THSD7B: variants seen among roughly 807,000 people sequenced by gnomAD.
THSD7B encodes the protein thrombospondin type 1 domain containing 7B, also known as thrombospondin type-1 domain-containing protein 7B.
Under a neutral mutation model 213.6 loss-of-function variants are expected in THSD7B, and 138 were observed. The ratio of observed to expected loss-of-function variants is 0.65; its 90% CI spans 0.56 to 0.74. THSD7B has a LOEUF of 0.74. Among genes scored for constraint, THSD7B ranks in the 30% least tolerant of loss-of-function variants. The pLI is 0.00. For missense variants in THSD7B, 1,931 were observed against 1,991.5 expected (o/e 0.97, Z 0.58); for synonymous variants, 742 against 687.0 (o/e 1.08, Z -1.25).
intron 11 of THSD7B, among the ~76,000 whole-genome samples, chr2:137,275,242 C>G (rs1002149959): frequency 6.6e-6 from 1 of 152,048 alleles, no homozygotes; most frequent in South Asian, 2.1e-4. Context: ...ATTTTATCAA[C>G]AGCAGGTCCA....
intron 12 of THSD7B, among the ~76,000 whole-genome samples, chr2:137,372,514 A>G (rs910608004): frequency 1.3e-5 from 2 of 151,532 alleles, no homozygotes; most frequent in Non-Finnish European, 2.9e-5. Flanking sequence ...ATCAATACAT[A>G]TAAGGTATAC....
At chr2:136,963,685 C>T (rs1289808889) in intron 2 of THSD7B, among the ~76,000 whole-genome samples, 1 of 152,044 alleles carries the variant, frequency 6.6e-6, no homozygotes, top group African/African-American at 2.4e-5. Context: ...TTATGCCAAC[C>T]CTGTGTCACA....
chr2:136,833,698 A>G (rs561167141), intron 1 of THSD7B, among the ~76,000 whole-genome samples: 13 of 152,296 alleles, frequency 8.5e-5, no homozygotes, highest in African/African-American at 2.9e-4. Context: ...TCACTCAGGC[A>G]AAGTGCAAAA....
chr2:137,133,900 T>G (rs1180198367), intron 5 of THSD7B, among the ~76,000 whole-genome samples: 2 of 152,204 alleles, frequency 1.3e-5, no homozygotes, highest in African/African-American at 4.8e-5. Flanking sequence ...TCAGCCACAT[T>G]TCAAGTGCTC....
chr2:137,531,355 G>A (rs957044957), intron 15 of THSD7B, among the ~76,000 whole-genome samples: 10 of 151,848 alleles, frequency 6.6e-5, no homozygotes, highest in Non-Finnish European at 8.8e-5. Flanking sequence ...TTGACACATC[G>A]TTTTGTTGAG....
chr2:137,311,630 T>G (rs1683909450), intron 12 of THSD7B, among the ~76,000 whole-genome samples: 3 of 152,132 alleles, frequency 2.0e-5, no homozygotes, highest in Admixed American at 2.0e-4. Flanking sequence ...CACTATGATG[T>G]TGGCTGTGGG....
intron 5 of THSD7B, among the ~76,000 whole-genome samples, chr2:137,128,139 A>G (rs1218107982): frequency 6.6e-6 from 1 of 152,148 alleles, no homozygotes; most frequent in Admixed American, 6.5e-5. Context: ...CCAAAATTCT[A>G]TACCTGTAAT....
At chr2:137,652,016 T>G (rs956654979) in intron 21 of THSD7B, among the ~76,000 whole-genome samples, 9 of 152,120 alleles carry the variant, frequency 5.9e-5, no homozygotes, top group Non-Finnish European at 1.3e-4. Flanking sequence ...ATGAAAAGAA[T>G]GTATATTCTA....
At chr2:137,348,549 T>C (rs1684931051) in intron 12 of THSD7B, among the ~76,000 whole-genome samples, 1 of 151,626 alleles carries the variant, frequency 6.6e-6, no homozygotes, top group South Asian at 2.1e-4. Context: ...AATGAGTAAT[T>C]CAAGCTTTGT....
In THSD7B at chr2:137,233,082, C is replaced by T. The variant is rs770111730; in HGVS notation, c.2099C>T (p.Thr700Ile). The T allele has an allele frequency of 1.9e-6, 3 of 1,613,732 alleles. No homozygotes were observed. Among genetic ancestry groups the T allele is most frequent in the South Asian group, 2.2e-5 (2 of 91,078 alleles). ...GEATCGVGIQ[T>I]RRVFCVKSHV... The stretch of plus-strand genomic sequence containing the variant: ...GCCACGTGTGGTGTAGGCATTCAGA[C>T]TCGGAGAGTCTTCTGTGTCAAGAGT... Residue 700 changes from threonine to isoleucine, a missense_variant, in exon 9 of 28, where the codon ACT (threonine) becomes ATT (isoleucine). Thr to Ile is a moderately conservative substitution (Grantham distance 89). Transcript: ENST00000409968.
At chr2:136,768,659 TG>T (rs1681452206) in intron 1 of THSD7B, among the ~76,000 whole-genome samples, 1 of 152,236 alleles carries the variant, frequency 6.6e-6, no homozygotes, top group African/African-American at 2.4e-5. Flanking sequence ...GCTTCAGAGA[TG>T]CTCTACAGAC....
intron 2 of THSD7B, among the ~76,000 whole-genome samples, chr2:137,007,860 C>T (rs927796287): frequency 3.3e-5 from 5 of 152,046 alleles, no homozygotes; most frequent in Admixed American, 2.0e-4. Context: ...ACTTTAATTC[C>T]AGGTCAATTG....
intron 2 of THSD7B, among the ~76,000 whole-genome samples, chr2:136,894,826 T>G (rs1363993238): frequency 6.6e-6 from 1 of 152,224 alleles, no homozygotes; most frequent in Non-Finnish European, 1.5e-5. Flanking sequence ...TTTTATGTTA[T>G]TGCATGTCTC....
intron 12 of THSD7B, among the ~76,000 whole-genome samples, chr2:137,347,555 ATTTT>A (rs5834547): frequency 3.7e-4 from 50 of 135,362 alleles, no homozygotes; most frequent in African/African-American, 1.3e-3. Flanking sequence ...ACTGATATTG[ATTTT>A]TTTTTTTTTT....
At position 137,485,623 on chromosome 2, in the gene THSD7B, G is replaced by A. The variant is rs372600691; in HGVS notation, c.3138+34600G>A. 4.1e-3 allele frequency among the ~76,000 whole-genome samples: 621 copies of A among 152,178 alleles called. 17 individuals carry two copies. Among genetic ancestry groups the A allele is most frequent in the Admixed American group, 0.033 (507 of 15,268 alleles). ...CCCCAATCTAGCAAGGCAGGGCAAC[G>A]TTCAGATTCAGGAAATACAGAGAAT... is the stretch of plus-strand genomic sequence containing the variant. On this transcript the variant is annotated intron_variant, in intron 15 of 27. Coordinates refer to ENST00000409968, the MANE Select transcript of THSD7B (RefSeq NM_001316349.2).
chr2:137,188,255 G>A (rs1356859056), intron 7 of THSD7B, among the ~76,000 whole-genome samples: 1 of 152,132 alleles, frequency 6.6e-6, no homozygotes, highest in East Asian at 1.9e-4. Context: ...CAATCACCTT[G>A]CAGCCTGCCA....
At chr2:136,986,661 T>A (rs1685679115) in intron 2 of THSD7B, among the ~76,000 whole-genome samples, 1 of 152,236 alleles carries the variant, frequency 6.6e-6, no homozygotes, top group Non-Finnish European at 1.5e-5. Flanking sequence ...TCTCCTGCAT[T>A]TTTTAAGGAA....
chr2:137,616,417 A>G, intron 18 of THSD7B, 101 bp downstream of exon 18: 1 of 1,070,480 alleles, frequency 9.3e-7, no homozygotes, highest in Non-Finnish European at 1.4e-6. Context: ...TGGAGAGTAG[A>G]ATGTGTGAGT....
At chr2:137,210,369 G>A in intron 7 of THSD7B, among the ~76,000 whole-genome samples, 1 of 151,994 alleles carries the variant, frequency 6.6e-6, no homozygotes, top group Non-Finnish European at 1.5e-5. Context: ...ATGTGGAGTT[G>A]AAAAAAATGT....
Sources: allele counts gnomAD v4.1 joint callset (sites outside exome capture counted in the v4.1 genomes callset), GRCh38; gene constraint gnomAD v4.1.1; transcripts MANE v1.5; gene names NCBI Gene and HGNC (gene_info 2026-07-23, HGNC 2026-07-21).